Variants in EDIL3 observed in about 807,000 individuals in gnomAD.
EDIL3 encodes EGF-like repeat and discoidin I-like domain-containing protein 3.
EDIL3 carries 37 observed loss-of-function variants against 67.4 expected under a neutral mutation model. That is an observed-to-expected ratio of 0.55 (90% CI 0.42 to 0.72). The LOEUF is 0.72. Ranked by LOEUF, EDIL3 falls within the 30% of genes least tolerant of loss-of-function variation. The pLI is 0.00. For synonymous variants in EDIL3, 195 were observed against 196.3 expected (o/e 0.99, Z 0.05); for missense variants, 527 against 586.3 (o/e 0.90, Z 1.04).
intron 3 of EDIL3, chr5:84,196,807 CTG>C (rs1161800201): frequency 3.9e-5 from 6 of 152,012 alleles, no homozygotes; most frequent in Admixed American, 1.3e-4. Context: ...TTTTATACCA[CTG>C]TATTTTGTCT....
intron 5 of EDIL3, among the ~76,000 whole-genome samples, chr5:84,115,900 T>C (rs1053611308): frequency 1.3e-5 from 2 of 152,216 alleles, no homozygotes; most frequent in African/African-American, 4.8e-5. Context: ...TAAACATCCA[T>C]ACAGTGCTTG....
In EDIL3 at chr5:83,970,684, T is replaced by TATATAG. The variant is rs1491469489; in HGVS notation, c.1138-7325_1138-7324insCTATAT. Among the ~76,000 whole-genome samples the TATATAG allele has an allele frequency of 7.8e-4, 102 of 131,486 alleles. 1 individual carries two copies. The highest frequency in any genetic ancestry group is 2.6e-3 in the African/African-American group (94 of 36,262). 86.3% of individuals were successfully genotyped at this position (131,486 alleles called of 152,430 possible). A position where few individuals can be genotyped will look rare whatever the true frequency, so the allele number is the denominator to read the frequency against. Reference sequence around the variant, plus strand: ...ATATATATATATATATATATATATATTTAAGAACATAATTTTTTCAACACT... The same window carrying TATATAG: ...ATATATATATATATATATATATATATATATAGTTAAGAACATAATTTTTTCAACACT... On this transcript the variant is annotated intron_variant, in intron 9 of 10. Coordinates refer to ENST00000296591, the MANE Select transcript of EDIL3 (RefSeq NM_005711.5).
At chr5:84,128,855 A>G (rs774980250) in intron 5 of EDIL3, among the ~76,000 whole-genome samples, 9 of 152,158 alleles carry the variant, frequency 5.9e-5, no homozygotes, top group Non-Finnish European at 1.2e-4. Flanking sequence ...TAATCCCTGG[A>G]CATATACAGT....
chr5:84,332,004 C>T (rs1167743319), intron 1 of EDIL3, among the ~76,000 whole-genome samples: 3 of 152,114 alleles, frequency 2.0e-5, no homozygotes, highest in Admixed American at 2.0e-4. Context: ...GCTTCTCCAG[C>T]CAATCTATGA....
intron 9 of EDIL3, among the ~76,000 whole-genome samples, chr5:84,003,002 C>T (rs1391834450): frequency 2.0e-5 from 3 of 152,140 alleles, no homozygotes; most frequent in Non-Finnish European, 2.9e-5. Flanking sequence ...GGTGGAGTTC[C>T]TGGAGGCAAC....
At chr5:84,182,503 A>G (rs1243167571) in intron 3 of EDIL3, among the ~76,000 whole-genome samples, 1 of 146,310 alleles carries the variant, frequency 6.8e-6, no homozygotes. Context: ...TGTGAATAGG[A>G]AAAAAAAAAT....
intron 1 of EDIL3, among the ~76,000 whole-genome samples, chr5:84,314,665 T>G (rs1398789123): frequency 6.6e-6 from 1 of 152,188 alleles, no homozygotes; most frequent in Non-Finnish European, 1.5e-5. Context: ...CTTTCCATTA[T>G]AGCTCCCCTG....
chr5:84,196,368 A>G (rs1314142440), intron 3 of EDIL3, among the ~76,000 whole-genome samples: 2 of 151,944 alleles, frequency 1.3e-5, no homozygotes, highest in Admixed American at 6.6e-5. Context: ...TTTCACAACA[A>G]TGATTACCCA....
At chr5:84,019,321 C>T (rs1249370732) in intron 9 of EDIL3, among the ~76,000 whole-genome samples, 1 of 151,712 alleles carries the variant, frequency 6.6e-6, no homozygotes, top group Non-Finnish European at 1.5e-5. Context: ...CACATGTTCT[C>T]ACTCATAGGT....
rs868465786 is a variant in EDIL3, at chr5:84,252,694, T to C, written c.196+1390A>G. On this transcript the variant is annotated intron_variant, in intron 2 of 10. Transcript: ENST00000296591. ...ACTAAAATTTTACTCTATTCATACA[T>C]TTCTACTAGGGGTATTTATGACTCT... Among the ~76,000 whole-genome samples the C allele has an allele frequency of 5.9e-5, 9 of 152,066 alleles. No homozygotes were observed. In the South Asian group the frequency reaches 1.7e-3, roughly 28 times the overall value.
chr5:84,169,551 T>A (rs1748773210), intron 4 of EDIL3, among the ~76,000 whole-genome samples: 1 of 151,668 alleles, frequency 6.6e-6, no homozygotes, highest in African/African-American at 2.4e-5. Context: ...CACTTCCCTC[T>A]GTCCCTAACA....
At chr5:84,334,179 A>C (rs192121607) in intron 1 of EDIL3, among the ~76,000 whole-genome samples, 2 of 150,848 alleles carry the variant, frequency 1.3e-5, no homozygotes, top group Non-Finnish European at 2.9e-5. Context: ...CGGGAGCCTT[A>C]GCCTCCTGCG....
At chr5:84,007,022 A>C (rs1443519513) in intron 9 of EDIL3, among the ~76,000 whole-genome samples, 1 of 152,130 alleles carries the variant, frequency 6.6e-6, no homozygotes, top group Non-Finnish European at 1.5e-5. Context: ...AGGCACCAAG[A>C]ACCTACATTG....
intron 5 of EDIL3, among the ~76,000 whole-genome samples, chr5:84,121,959 T>G (rs1288711149): frequency 6.6e-6 from 1 of 151,990 alleles, no homozygotes; most frequent in Non-Finnish European, 1.5e-5. Context: ...ATTCCTCGCA[T>G]CTTATAAAGA....
At chr5:84,215,343 T>G (rs1406202151) in intron 3 of EDIL3, among the ~76,000 whole-genome samples, 1 of 151,712 alleles carries the variant, frequency 6.6e-6, no homozygotes, top group Non-Finnish European at 1.5e-5. Flanking sequence ...AAGATCCACC[T>G]CCCGGGTTCA....
intron 10 of EDIL3, among the ~76,000 whole-genome samples, chr5:83,952,392 C>T (rs1187415348): frequency 1.3e-5 from 2 of 151,726 alleles, no homozygotes; most frequent in African/African-American, 4.8e-5. Context: ...ATTTATGAAA[C>T]ATAAAATATG....
At chr5:84,093,443 G>T (rs1747203634) in intron 6 of EDIL3, among the ~76,000 whole-genome samples, 1 of 152,098 alleles carries the variant, frequency 6.6e-6, no homozygotes, top group African/African-American at 2.4e-5. Context: ...AAGATAAAAG[G>T]CAGGGCTTTC....
chr5:84,369,428 T>C (rs777681299), intron 1 of EDIL3, among the ~76,000 whole-genome samples: 13 of 152,054 alleles, frequency 8.5e-5, no homozygotes, highest in Non-Finnish European at 1.8e-4. Context: ...TTCTAACGTA[T>C]GCTACAAAAC....
intron 1 of EDIL3, among the ~76,000 whole-genome samples, chr5:84,378,215 A>G (rs1415887940): frequency 1.3e-5 from 2 of 152,236 alleles, no homozygotes; most frequent in Non-Finnish European, 1.5e-5. Context: ...TTTCAAGCTT[A>G]AACATTTTTG....
Sources: allele counts gnomAD v4.1 joint callset (sites outside exome capture counted in the v4.1 genomes callset), GRCh38; gene constraint gnomAD v4.1.1; transcripts MANE v1.5; gene names NCBI Gene and HGNC (gene_info 2026-07-23, HGNC 2026-07-21).